Variants in NRG1 observed in about 807,000 individuals in gnomAD.
The protein encoded by NRG1 is neuregulin 1, also known as pro-neuregulin-1, membrane-bound isoform.
A neutral mutation model predicts 63.8 loss-of-function variants in NRG1; 18 were observed. That is an observed-to-expected ratio of 0.28 (90% confidence interval 0.19 to 0.42). NRG1 has a LOEUF of 0.42. NRG1 is among the 10% of genes least tolerant of loss of function. The probability of loss-of-function intolerance (pLI) is 1.00; values close to 1 mark genes in which losing one functional copy is unlikely to be tolerated. For synonymous variants in NRG1, 302 were observed against 301.3 expected, an observed-to-expected ratio of 1.00 and a Z score of -0.02; for missense variants, 762 against 814.7, an observed-to-expected ratio of 0.94 and a Z score of 0.79.
At chr8:32,300,200 G>C (rs537361302) in intron 1 of NRG1, among the ~76,000 whole-genome samples, 2 of 151,970 alleles carry the variant, frequency 1.3e-5, no homozygotes, top group Non-Finnish European at 2.9e-5. Context: ...TGAAAAAAAC[G>C]TGCAATATGA....
At chr8:32,071,286 A>T (rs1415630281) in intron 1 of NRG1, among the ~76,000 whole-genome samples, 1 of 152,214 alleles carries the variant, frequency 6.6e-6, no homozygotes, top group African/African-American at 2.4e-5. Flanking sequence ...TGATATTTTT[A>T]TGATAGATAA....
At chr8:31,928,352 TAA>T (rs77001238) in intron 1 of NRG1, among the ~76,000 whole-genome samples, 20,514 of 80,286 alleles carry the variant, frequency 0.26, 2,079 homozygotes, top group Admixed American at 0.27. Context: ...ATGGATGTGG[TAA>T]AAAAAAAAAA....
At chr8:32,522,721 C>T (rs998815662) in intron 1 of NRG1, among the ~76,000 whole-genome samples, 1 of 152,102 alleles carries the variant, frequency 6.6e-6, no homozygotes, top group African/African-American at 2.4e-5. Context: ...TCTTTAACAT[C>T]CTTAGGTCTT....
rs190675125 is a variant in NRG1 at position 32,559,301 on chromosome 8, A to T, written c.100+10475A>T. On this transcript the variant is annotated intron_variant, in intron 1 of 11. Coordinates refer to ENST00000356819, the Ensembl canonical transcript of NRG1. The stretch of plus-strand genomic sequence containing the variant: ...CCTTATAAGAATCTGGTTTTTGATT[A>T]TGAATACAGCAATTCTTTTTTGAAA... 2.1e-3 allele frequency among the ~76,000 whole-genome samples: 312 copies of T among 146,878 alleles called. 2 individuals are homozygous for T. The highest frequency in any genetic ancestry group is 7.3e-3 in the African/African-American group (295 of 40,294).
At chr8:32,208,664 A>G (rs28688914) in intron 1 of NRG1, among the ~76,000 whole-genome samples, 3,699 of 152,322 alleles carry the variant, frequency 0.024, 163 homozygotes, top group African/African-American at 0.085. Flanking sequence ...AAGATTATGT[A>G]TACGGATGCT....
chr8:31,670,848 G>C (rs1253246703), intron 1 of NRG1, among the ~76,000 whole-genome samples: 1 of 152,064 alleles, frequency 6.6e-6, no homozygotes, highest in Non-Finnish European at 1.5e-5. Flanking sequence ...ATGCAGGTTT[G>C]TTACTTGGGT....
chr8:32,207,264 A>G (rs1844166688), intron 1 of NRG1, among the ~76,000 whole-genome samples: 1 of 152,074 alleles, frequency 6.6e-6, no homozygotes, highest in Admixed American at 6.6e-5. Context: ...TTTTTTAATG[A>G]CAAAGAAAAG....
At chr8:31,840,725 A>G (rs773227529) in intron 1 of NRG1, among the ~76,000 whole-genome samples, 1 of 152,190 alleles carries the variant, frequency 6.6e-6, no homozygotes, top group Non-Finnish European at 1.5e-5. Context: ...GACGGAGGTT[A>G]CATAATTATA....
At chr8:32,763,606 G>T in intron 11 of NRG1, 142 bp from the exon 12 acceptor site, 2 of 1,087,612 alleles carry the variant, frequency 1.8e-6, no homozygotes, top group Admixed American at 2.8e-5. Flanking sequence ...GAATTTCCTA[G>T]CCTAAATAAT....
intron 1 of NRG1, among the ~76,000 whole-genome samples, chr8:32,550,289 CACTTTATTCA>C (rs1281481301): frequency 1.3e-5 from 2 of 152,240 alleles, no homozygotes; most frequent in African/African-American, 4.8e-5. Context: ...GAGACCATAG[CACTTTATTCA>C]ACAAGATAGG....
chr8:31,796,959 A>G (rs984764953), intron 1 of NRG1, among the ~76,000 whole-genome samples: 8 of 152,142 alleles, frequency 5.3e-5, no homozygotes, highest in Admixed American at 1.3e-4. Flanking sequence ...TAGGGTCAGT[A>G]TAGGCAAACT....
At chr8:31,744,719 A>C (rs1815675366) in intron 1 of NRG1, among the ~76,000 whole-genome samples, 1 of 151,988 alleles carries the variant, frequency 6.6e-6, no homozygotes, top group African/African-American at 2.4e-5. Context: ...TGAAACACAC[A>C]CAGGAAGCTG....
At chr8:32,070,680 C>A (rs1432609849) in intron 1 of NRG1, among the ~76,000 whole-genome samples, 1 of 152,198 alleles carries the variant, frequency 6.6e-6, no homozygotes, top group Non-Finnish European at 1.5e-5. Context: ...TCACCCTAGT[C>A]CAAGCTCTCT....
At chr8:32,385,645 T>C (rs534972448) in intron 1 of NRG1, among the ~76,000 whole-genome samples, 106 of 152,142 alleles carry the variant, frequency 7.0e-4, no homozygotes, top group African/African-American at 2.2e-3. Flanking sequence ...TACAAGAATT[T>C]ACTCACCGTC....
Position 32,399,559 on chromosome 8 carries a change from G to A in NRG1, c.38-196269G>A, listed in dbSNP as rs1306910896. Among the ~76,000 whole-genome samples the A allele has an allele frequency of 3.9e-5, 6 of 152,154 alleles. No individual in the cohort carries two copies. In the South Asian group the frequency reaches 1.0e-3, roughly 26 times the overall value. On this transcript the variant is annotated intron_variant, in intron 1 of 10. Transcript: ENST00000519301. ...TTCTCTACTAAAAATACAAAAACTA[G>A]CCAGGTGTGGTGGCAAGTGCCTGTA...
At position 32,636,239 on chromosome 8, in the gene NRG1, A is replaced by G. The variant is rs148510058; in HGVS notation, c.502+19354A>G. Among the ~76,000 whole-genome samples the G allele has an allele frequency of 6.4e-4, 98 of 152,280 alleles. 1 individual carries two copies. In the East Asian group the frequency reaches 0.015, roughly 24 times the overall value. Reference sequence around the variant, plus strand: ...AGGGGGTGGGGGCAAAAAGAAGCATATGGTTGAAGCTCTGCACTGCAGTAA... The same window carrying G: ...AGGGGGTGGGGGCAAAAAGAAGCATGTGGTTGAAGCTCTGCACTGCAGTAA... On this transcript the variant is annotated intron_variant, in intron 5 of 11. Transcript: ENST00000356819.
chr8:32,646,156 C>T (rs1175765547), intron 5 of NRG1, among the ~76,000 whole-genome samples: 1 of 152,120 alleles, frequency 6.6e-6, no homozygotes, highest in Admixed American at 6.5e-5. Context: ...CATTATTAGT[C>T]TTCTTTGGGT....
intron 1 of NRG1, among the ~76,000 whole-genome samples, chr8:31,674,240 G>T (rs1807449294): frequency 6.6e-6 from 1 of 152,066 alleles, no homozygotes. Flanking sequence ...TCAAATCTTT[G>T]TGCAGACATA....
At chr8:31,877,940 G>A (rs532777432) in intron 1 of NRG1, among the ~76,000 whole-genome samples, 2 of 152,132 alleles carry the variant, frequency 1.3e-5, no homozygotes, top group Admixed American at 6.5e-5. Flanking sequence ...TACTTAAATC[G>A]CAGAGTACTG....
Sources: gnomAD v4.1 joint callset for allele counts (sites outside exome capture counted in the v4.1 genomes callset) on GRCh38, gnomAD v4.1.1 for gene constraint, MANE v1.5 for transcripts, NCBI Gene and HGNC (gene_info 2026-07-23, HGNC 2026-07-21) for gene names.